GRAMD2A: variants seen among roughly 807,000 people sequenced by gnomAD.
GRAMD2A encodes GRAM domain-containing protein 2A.
Under a neutral mutation model 51.1 loss-of-function variants are expected in GRAMD2A, and 37 were observed. That is an observed-to-expected ratio of 0.72 (90% CI 0.56 to 0.95). The LOEUF (loss-of-function observed/expected upper bound fraction) is 0.95, where lower values mean the gene tolerates loss of function less well. GRAMD2A is among the 40% of genes least tolerant of loss of function. The pLI, the probability that GRAMD2A is intolerant of heterozygous loss-of-function variation, is 0.00. For missense variants in GRAMD2A, 414 were observed against 426.9 expected (o/e 0.97, Z 0.27); for synonymous variants, 136 against 157.1 (o/e 0.87, Z 1.01).
At chr15:72,188,908 T>A (rs950266798) in intron 1 of GRAMD2A, among the ~76,000 whole-genome samples, 36 of 152,226 alleles carry the variant, frequency 2.4e-4, no homozygotes, top group Admixed American at 2.1e-3. Context: ...GGTCTCGAAC[T>A]GTTGACCTCA....
At chr15:72,162,126 G>T in intron 11 of GRAMD2A, 114 bp from the exon 12 acceptor site, 1 of 1,406,232 alleles carries the variant, frequency 7.1e-7, no homozygotes, top group Non-Finnish European at 1.0e-6. Context: ...GGTGGGACTG[G>T]TGTACCCTGC....
At chr15:72,172,061 T>C (rs1035334573) in intron 1 of GRAMD2A, among the ~76,000 whole-genome samples, 20 of 151,958 alleles carry the variant, frequency 1.3e-4, no homozygotes, top group African/African-American at 4.4e-4. Flanking sequence ...CTCCTGACCT[T>C]ATAATCCCCC....
At chr15:72,191,095 G>C (rs1379675129) in intron 1 of GRAMD2A, among the ~76,000 whole-genome samples, 1 of 152,132 alleles carries the variant, frequency 6.6e-6, no homozygotes, top group Non-Finnish European at 1.5e-5. Context: ...GTGGCTACTA[G>C]AGCCCATACC....
At chr15:72,191,416 T>G (rs973187731) in intron 1 of GRAMD2A, among the ~76,000 whole-genome samples, 1 of 152,194 alleles carries the variant, frequency 6.6e-6, no homozygotes, top group Non-Finnish European at 1.5e-5. Flanking sequence ...TTGGCCAGGC[T>G]GGTCTCAAAC....
intron 8 of GRAMD2A, 70 bp from the exon 9 acceptor site, chr15:72,163,827 CA>C (rs1297324556): frequency 6.6e-7 from 1 of 1,505,928 alleles, no homozygotes; most frequent in Non-Finnish European, 9.0e-7. Context: ...GAGCCCACAC[CA>C]GGTTTATCAG....
chr15:72,196,342 C>T (rs2081805070), intron 1 of GRAMD2A, among the ~76,000 whole-genome samples: 1 of 151,754 alleles, frequency 6.6e-6, no homozygotes, highest in Admixed American at 6.6e-5. Context: ...ATGGTGAAAC[C>T]CCATCTCTAC....
Position 72,170,031 on chromosome 15 carries a change from C to G in GRAMD2A, c.42-92G>C, listed in dbSNP as rs530624179. ...CATGCCCATGGCCGCTGCCTCTGGC[C>G]CCCACCCAAGACTGGCCCTGATATT... On this transcript the variant is annotated intron_variant, in intron 1 of 11. Coordinates refer to ENST00000309731, the MANE Select transcript of GRAMD2A (RefSeq NM_001012642.3). This position sits in a 1 kb window ranked among gnomAD's most constrained non-coding sequence, Gnocchi z 4.5. 4.6e-5 allele frequency: 42 copies of G among 911,990 alleles called. No individual in the cohort carries two copies. Among genetic ancestry groups the G allele is most frequent in the Non-Finnish European group, 7.4e-5 (40 of 541,372 alleles). The allele number at this position is 911,990 out of a possible 1,614,324, so 56.5% of individuals were successfully genotyped here.
At chr15:72,165,904 T>G (rs982933622) in intron 7 of GRAMD2A, among the ~76,000 whole-genome samples, 8 of 152,116 alleles carry the variant, frequency 5.3e-5, no homozygotes, top group African/African-American at 1.9e-4. Flanking sequence ...GTCTTGCTCT[T>G]GTCACCCAGG....
chr15:72,169,650 G>A, intron 2 of GRAMD2A, 197 bp downstream of exon 2: 1 of 697,156 alleles, frequency 1.4e-6, no homozygotes, highest in Non-Finnish European at 2.6e-6. Flanking sequence ...CGAGAAGCAT[G>A]GACTCTGCTA....
chr15:72,185,340 C>T (rs1304866102), intron 1 of GRAMD2A, among the ~76,000 whole-genome samples: 1 of 151,988 alleles, frequency 6.6e-6, no homozygotes, highest in African/African-American at 2.4e-5. Context: ...ACTACAGGCA[C>T]GTGCCACCAT....
chr15:72,191,108 G>A (rs187281236), intron 1 of GRAMD2A, among the ~76,000 whole-genome samples: 5 of 152,252 alleles, frequency 3.3e-5, no homozygotes, highest in South Asian at 2.1e-4. Flanking sequence ...CCCATACCAC[G>A]ATTTTGAAAA....
rs1343762130 is a variant in GRAMD2A at position 72,162,443 on chromosome 15, C to T, written c.957-66G>A. On this transcript the variant is annotated intron_variant, in intron 10 of 11. Transcript: ENST00000309731. The stretch of plus-strand genomic sequence containing the variant: ...AGAAAGAGCATTTCTGGAAGTTCAC[C>T]GGAAATAGTGGGGACCAAGCTACCC... 1.2e-5 allele frequency: 15 copies of T among 1,249,660 alleles called. No homozygotes were observed. In the Middle Eastern group the frequency reaches 5.7e-4, roughly 47 times the overall value. 77.4% of individuals were successfully genotyped at this position (1,249,660 alleles called of 1,614,324 possible).
At position 72,163,456 on chromosome 15, in the gene GRAMD2A, C is replaced by T; in HGVS notation, c.766G>A (p.Ala256Thr). 1.2e-6 allele frequency: 2 copies of T among 1,614,120 alleles called. No individual in the cohort carries two copies. Among genetic ancestry groups the T allele is most frequent in the Non-Finnish European group, 1.7e-6 (2 of 1,179,986 alleles). ...PMSEKSRAQV[A>T]SENGGRWAWP... ...GCCCACCTCCCACCATTTTCTGAAG[C>T]TACTTGGGCTCTTGACTTTTCTTTA... Residue 256 changes from alanine to threonine, a missense_variant, in exon 10 of 12, where the codon GCT becomes ACT. By Grantham distance (58) the Ala-to-Thr change is moderately conservative. Coordinates refer to ENST00000309731, the MANE Select transcript of GRAMD2A (RefSeq NM_001012642.3).
At chr15:72,182,648 C>G (rs531787010) in intron 1 of GRAMD2A, among the ~76,000 whole-genome samples, 7 of 152,078 alleles carry the variant, frequency 4.6e-5, no homozygotes, top group Non-Finnish European at 1.0e-4. Flanking sequence ...ATATAGAGAA[C>G]CCTTATAATC....
At chr15:72,162,188 T>G in intron 11 of GRAMD2A, 85 bp downstream of exon 11, 1 of 1,365,884 alleles carries the variant, frequency 7.3e-7, no homozygotes, top group Non-Finnish European at 1.0e-6. Flanking sequence ...CAGGACCAAG[T>G]CCAGCCAGGC....
chr15:72,168,736 T>C (rs1402623974), intron 3 of GRAMD2A, among the ~76,000 whole-genome samples, 170 bp from the exon 4 acceptor site: 1 of 152,250 alleles, frequency 6.6e-6, no homozygotes, highest in Non-Finnish European at 1.5e-5. Flanking sequence ...AAGCACAGCT[T>C]GTCTCCTGGT....
At chr15:72,177,131 G>A (rs375000026) in intron 1 of GRAMD2A, among the ~76,000 whole-genome samples, 2 of 150,712 alleles carry the variant, frequency 1.3e-5, no homozygotes, top group Admixed American at 6.6e-5. Context: ...TAAAGTGCTC[G>A]GATTACAGGC....
intron 1 of GRAMD2A, chr15:72,173,933 T>TCAA (rs1555434904): frequency 1.5e-5 from 1 of 66,672 alleles, no homozygotes; most frequent in Non-Finnish European, 2.5e-5. Context: ...AAATTCTGTC[T>TCAA]AAAAAAAAAA....
chr15:72,166,513 C>G lies in GRAMD2A; in HGVS notation c.543+119G>C. On this transcript the variant is annotated intron_variant, in intron 7 of 11. Coordinates refer to ENST00000309731, the MANE Select transcript of GRAMD2A (RefSeq NM_001012642.3). This position sits in a 1 kb window ranked among gnomAD's most constrained non-coding sequence, Gnocchi z 4.1. The stretch of plus-strand genomic sequence containing the variant: ...ACATTGAGCCTGAGCCTTTAACTCC[C>G]CTCTCCCTGCCCCATTCCCTGTGCT... 1.3e-6 allele frequency: 1 copy of G among 741,178 alleles called. No individual in the cohort carries two copies. The highest frequency in any genetic ancestry group is 2.5e-5 in the East Asian group (1 of 40,420). The allele number at this position is 741,178 out of a possible 1,614,324, so 45.9% of individuals were successfully genotyped here.
Sources: gnomAD v4.1 joint callset for allele counts (sites outside exome capture counted in the v4.1 genomes callset) on GRCh38, gnomAD v4.1.1 for gene constraint, Gnocchi (gnomAD v3.1) non-coding constraint, MANE v1.5 for transcripts, NCBI Gene and HGNC (gene_info 2026-07-23, HGNC 2026-07-21) for gene names.